Variants in ANKRD27 observed in about 807,000 individuals in gnomAD.
ANKRD27 encodes ankyrin repeat domain 27, also known as ankyrin repeat domain-containing protein 27.
Under a neutral mutation model 129.7 loss-of-function variants are expected in ANKRD27, and 112 were observed. That is an observed-to-expected ratio of 0.86 (90% confidence interval 0.74 to 1.01). The LOEUF is 1.01. ANKRD27 is among the 50% of genes least tolerant of loss of function. The probability of loss-of-function intolerance (pLI) is 0.00; values close to 1 mark genes in which losing one functional copy is unlikely to be tolerated. For synonymous variants in ANKRD27, 516 were observed against 511.2 expected (o/e 1.01, Z -0.13); for missense variants, 1,258 against 1,300.5 (o/e 0.97, Z 0.50).
chr19:32,606,863 G>A (rs1272058178), intron 23 of ANKRD27, among the ~76,000 whole-genome samples: 1 of 139,480 alleles, frequency 7.2e-6, no homozygotes, highest in Non-Finnish European at 1.5e-5. Flanking sequence ...AGTACTTTGG[G>A]AAGCCAAGGT....
intron 2 of ANKRD27, among the ~76,000 whole-genome samples, chr19:32,650,390 A>G (rs192407160): frequency 2.0e-4 from 31 of 152,284 alleles, no homozygotes; most frequent in African/African-American, 7.5e-4. Context: ...TGGCTCTACT[A>G]AAAATACAAA....
chr19:32,630,980 C>G (rs146081217), intron 13 of ANKRD27, among the ~76,000 whole-genome samples: 157 of 152,056 alleles, frequency 1.0e-3, no homozygotes, highest in African/African-American at 3.7e-3. Flanking sequence ...ATTCTGAGCA[C>G]AGAATGGAAC....
At chr19:32,641,357 G>A (rs1366928717) in intron 10 of ANKRD27, among the ~76,000 whole-genome samples, 2 of 152,124 alleles carry the variant, frequency 1.3e-5, no homozygotes, top group African/African-American at 4.8e-5. Flanking sequence ...TCTTCCTAAA[G>A]TCACCAAGGT....
intron 16 of ANKRD27, among the ~76,000 whole-genome samples, chr19:32,626,338 T>A (rs955210766): frequency 5.9e-5 from 9 of 152,184 alleles, no homozygotes; most frequent in East Asian, 1.9e-4. Context: ...CAGATAATTT[T>A]AAAAAAATAT....
Position 32,619,327 on chromosome 19 carries a change from G to C in ANKRD27, c.1940C>G (p.Ser647Cys), listed in dbSNP as rs1398691189. 8 of 1,613,492 alleles carry C rather than the reference G, an allele frequency of 5.0e-6. No homozygotes were observed. Among genetic ancestry groups the C allele is most frequent in the Non-Finnish European group, 6.8e-6 (8 of 1,179,860 alleles). Residue 647 changes from serine (S) to cysteine (C), a missense_variant, in exon 20 of 29, where the codon TCC becomes TGC. By Grantham distance (112) the Ser-to-Cys change is moderately radical. Coordinates refer to ENST00000306065, the MANE Select transcript of ANKRD27 (RefSeq NM_032139.3). ...TGACATGGAGGAGAAGCTGGAAGTG[G>C]AGGACTCTTGGCTGATGGAGTCCAC... The part of the protein sequence containing the change: ...RSVDSISQES[S>C]TSSFSSMSAS...
At chr19:32,660,370 C>T (rs896137905) in intron 1 of ANKRD27, among the ~76,000 whole-genome samples, 3 of 152,160 alleles carry the variant, frequency 2.0e-5, no homozygotes, top group African/African-American at 7.2e-5. Flanking sequence ...TGGTGAAACC[C>T]CGTCTCTACT....
At chr19:32,632,246 A>G (rs2145288855) in intron 12 of ANKRD27, among the ~76,000 whole-genome samples, 1 of 152,048 alleles carries the variant, frequency 6.6e-6, no homozygotes, top group South Asian at 2.1e-4. Flanking sequence ...CTGAGATCAC[A>G]CCACTGCACT....
chr19:32,637,111 T>G (rs1179471264), intron 12 of ANKRD27, among the ~76,000 whole-genome samples: 1 of 152,200 alleles, frequency 6.6e-6, no homozygotes, highest in Non-Finnish European at 1.5e-5. Flanking sequence ...TGAAAATGCA[T>G]GAACGTGTCA....
intron 1 of ANKRD27, among the ~76,000 whole-genome samples, chr19:32,667,458 C>T (rs1967781479): frequency 6.6e-6 from 1 of 152,224 alleles, no homozygotes; most frequent in African/African-American, 2.4e-5. Context: ...CAGGCATATG[C>T]CACCATCCTT....
intron 22 of ANKRD27, among the ~76,000 whole-genome samples, chr19:32,614,397 A>G (rs1284801391): frequency 1.3e-5 from 2 of 152,182 alleles, no homozygotes; most frequent in African/African-American, 2.4e-5. Context: ...CAAAACAAGA[A>G]CAAGAGGCTG....
At chr19:32,627,608 G>A (rs1966912120) in intron 15 of ANKRD27, among the ~76,000 whole-genome samples, 1 of 152,110 alleles carries the variant, frequency 6.6e-6, no homozygotes, top group Admixed American at 6.6e-5. Context: ...ATGTCGGCCA[G>A]GTTGGTCTCA....
intron 22 of ANKRD27, among the ~76,000 whole-genome samples, chr19:32,609,660 G>A (rs1971804192): frequency 7.1e-6 from 1 of 141,274 alleles, no homozygotes; most frequent in Admixed American, 7.0e-5. Flanking sequence ...ATGGGGGAAT[G>A]GGGGGGTCAT....
intron 4 of ANKRD27, among the ~76,000 whole-genome samples, chr19:32,645,933 G>C (rs1163684973): frequency 1.3e-5 from 2 of 151,886 alleles, no homozygotes; most frequent in Non-Finnish European, 2.9e-5. Flanking sequence ...ACCACGCCCA[G>C]CCTACTTTTT....
At chr19:32,617,882 G>A (rs1971945937) in intron 20 of ANKRD27, among the ~76,000 whole-genome samples, 1 of 151,726 alleles carries the variant, frequency 6.6e-6, no homozygotes, top group African/African-American at 2.4e-5. Context: ...AGCCTCCCTA[G>A]TAGCTGGGAT....
chr19:32,649,234 A>G, intron 3 of ANKRD27, among the ~76,000 whole-genome samples: 1 of 152,106 alleles, frequency 6.6e-6, no homozygotes, highest in South Asian at 2.1e-4. Flanking sequence ...CGGCCCCCCA[A>G]AGTGCTAGAA....
intron 18 of ANKRD27, among the ~76,000 whole-genome samples, chr19:32,619,942 C>A (rs796651884): frequency 2.0e-5 from 3 of 152,240 alleles, no homozygotes; most frequent in African/African-American, 4.8e-5. Context: ...ACCCACAGGT[C>A]TCAAGTAGGA....
intron 24 of ANKRD27, 73 bp downstream of exon 24, chr19:32,605,762 C>A: frequency 6.3e-7 from 1 of 1,574,862 alleles, no homozygotes; most frequent in Non-Finnish European, 8.6e-7. Flanking sequence ...CAGTGCGCTG[C>A]GGGGGTCGCT....
At chr19:32,666,600 G>T (rs1967759851) in intron 1 of ANKRD27, among the ~76,000 whole-genome samples, 1 of 151,842 alleles carries the variant, frequency 6.6e-6, no homozygotes, top group South Asian at 2.1e-4. Flanking sequence ...TCTCAGAGGG[G>T]GTGCCTACAA....
At chr19:32,598,680 C>T (rs1045242361) in intron 28 of ANKRD27, among the ~76,000 whole-genome samples, 10 of 152,156 alleles carry the variant, frequency 6.6e-5, no homozygotes, top group Admixed American at 3.9e-4. Context: ...TGCCTAAAGT[C>T]CTACAGCTAG....
Sources: allele counts gnomAD v4.1 joint callset (sites outside exome capture counted in the v4.1 genomes callset), GRCh38; gene constraint gnomAD v4.1.1; transcripts MANE v1.5; gene names NCBI Gene and HGNC (gene_info 2026-07-23, HGNC 2026-07-21).